FRYL: variants seen among roughly 807,000 people sequenced by gnomAD.
FRYL encodes the protein FRY like transcription coactivator.
FRYL carries 150 observed loss-of-function variants against 351.2 expected under a neutral mutation model. The ratio of observed to expected loss-of-function variants is 0.43; its 90% CI spans 0.37 to 0.49. The LOEUF (loss-of-function observed/expected upper bound fraction) is 0.49, where lower values mean the gene tolerates loss of function less well. Ranked by LOEUF, FRYL falls within the 20% of genes least tolerant of loss-of-function variation. FRYL has a pLI of 0.00. For synonymous variants in FRYL, 1,153 were observed against 1,257.1 expected (o/e 0.92, Z 1.75); for missense variants, 3,036 against 3,619.3 (o/e 0.84, Z 4.13).
chr4:48,531,063 G>A, intron 50 of FRYL, 93 bp downstream of exon 50: 1 of 858,894 alleles, frequency 1.2e-6, no homozygotes, highest in Non-Finnish European at 1.9e-6. Context: ...CACTGGGTAT[G>A]AGCTCAATCA....
chr4:48,737,303 A>T (rs1403197728), intron 1 of FRYL, among the ~76,000 whole-genome samples: 14 of 152,036 alleles, frequency 9.2e-5, no homozygotes, highest in Admixed American at 3.9e-4. Flanking sequence ...GACAACCAAT[A>T]GTACAGATTC....
intron 40 of FRYL, among the ~76,000 whole-genome samples, chr4:48,547,993 AAAATT>A (rs759869870): frequency 2.0e-5 from 3 of 152,162 alleles, no homozygotes; most frequent in Non-Finnish European, 2.9e-5. Flanking sequence ...TTTCATGTCT[AAAATT>A]TAGTGATCTC....
chr4:48,566,407 T>C (rs114968119), intron 28 of FRYL, among the ~76,000 whole-genome samples: 2,855 of 124,182 alleles, frequency 0.023, 89 homozygotes, highest in African/African-American at 0.068. Flanking sequence ...TAAACCAATG[T>C]GGAAGTTGTA....
chr4:48,521,571 T>A (rs1477808361), intron 54 of FRYL, among the ~76,000 whole-genome samples: 1 of 152,228 alleles, frequency 6.6e-6, no homozygotes, highest in Non-Finnish European at 1.5e-5. Context: ...GAATGGGCAC[T>A]AGAGACAGAC....
chr4:48,760,546 GT>G (rs1254334066), intron 1 of FRYL, among the ~76,000 whole-genome samples: 1 of 151,792 alleles, frequency 6.6e-6, no homozygotes, highest in Non-Finnish European at 1.5e-5. Context: ...TGTTTGTTTT[GT>G]TTTTTCCTTG....
chr4:48,750,192 G>A (rs1293945932), intron 1 of FRYL, among the ~76,000 whole-genome samples: 3 of 151,124 alleles, frequency 2.0e-5, no homozygotes, highest in Non-Finnish European at 4.4e-5. Context: ...TGGGCTTAGT[G>A]GCTCACGCGT....
intron 1 of FRYL, among the ~76,000 whole-genome samples, chr4:48,775,919 G>T (rs1775966971): frequency 1.3e-5 from 2 of 151,850 alleles, no homozygotes; most frequent in Non-Finnish European, 2.9e-5. Context: ...ACTAGGCCTG[G>T]AGAAATTATT....
chr4:48,540,052 G>A lies in FRYL; in HGVS notation c.6312C>T (p.Ile2104=), dbSNP rs1295886100. ...GGATTAAGTGAGGCAATAAGCAAAG[G>A]ATGTTAAGAGGAAAGCCTATCAAAA... ...PSQLSGFPLN[I]LCLLPHLIQH... is the part of the protein sequence containing the mutation. The change falls in exon 47 of 64, where the codon ATC becomes ATT. Residue 2104 remains isoleucine, a synonymous_variant. Coordinates refer to ENST00000358350, the MANE Select transcript of FRYL (RefSeq NM_015030.2). 6 of 1,612,146 alleles carry A rather than the reference G, an allele frequency of 3.7e-6. No individual in the cohort carries two copies. The African/African-American group carries it at 4.0e-5, about 11-fold the overall frequency.
At chr4:48,571,881 T>C in intron 26 of FRYL, 1 of 985,208 alleles carries the variant, frequency 1.0e-6, no homozygotes, top group Non-Finnish European at 1.2e-6. Flanking sequence ...CTGCATGTGT[T>C]TAATAGCATT....
At chr4:48,761,007 C>CTGTGTGTGTGTG (rs57872533) in intron 1 of FRYL, among the ~76,000 whole-genome samples, 163 of 134,502 alleles carry the variant, frequency 1.2e-3, no homozygotes, top group African/African-American at 1.9e-3. Context: ...ATTACTCTGT[C>CTGTGTGTGTGTG]TGTGTGTGTG....
intron 1 of FRYL, among the ~76,000 whole-genome samples, chr4:48,749,939 C>A (rs1398476503): frequency 6.6e-6 from 1 of 151,628 alleles, no homozygotes; most frequent in African/African-American, 2.4e-5. Context: ...TCAAGAGCAG[C>A]CCAGGCAAAA....
intron 1 of FRYL, among the ~76,000 whole-genome samples, chr4:48,716,050 G>A (rs959739567): frequency 2.0e-5 from 3 of 152,188 alleles, no homozygotes; most frequent in African/African-American, 7.2e-5. Context: ...AATAAATGGT[G>A]CTGGGAAAAC....
At chr4:48,524,017 T>A (rs1725451563) in intron 53 of FRYL, among the ~76,000 whole-genome samples, 2 of 152,314 alleles carry the variant, frequency 1.3e-5, no homozygotes, top group East Asian at 3.9e-4. Flanking sequence ...ATATAAGTTA[T>A]GTTTCTGTTA....
chr4:48,556,840 T>C (rs900341043), intron 35 of FRYL, 138 bp downstream of exon 35: 3 of 607,268 alleles, frequency 4.9e-6, no homozygotes, highest in Non-Finnish European at 8.3e-6. Flanking sequence ...TAAATCCATG[T>C]GCTATTTCCT....
At chr4:48,713,587 T>C (rs1768373332) in intron 1 of FRYL, among the ~76,000 whole-genome samples, 2 of 152,092 alleles carry the variant, frequency 1.3e-5, no homozygotes, top group South Asian at 2.1e-4. Context: ...TAAATAGATA[T>C]GCACCCAATA....
At chr4:48,532,818 AT>A (rs1482067604) in intron 49 of FRYL, among the ~76,000 whole-genome samples, 4 of 152,202 alleles carry the variant, frequency 2.6e-5, no homozygotes, top group African/African-American at 9.6e-5. Context: ...TTGTGTTTAA[AT>A]GTAAAAGACT....
intron 33 of FRYL, among the ~76,000 whole-genome samples, chr4:48,560,235 T>C (rs1205949348): frequency 3.3e-5 from 5 of 152,220 alleles, no homozygotes; most frequent in African/African-American, 1.2e-4. Flanking sequence ...AAGTTTATGC[T>C]GATACCTGTA....
At chr4:48,649,103 G>A (rs1377143072) in intron 3 of FRYL, among the ~76,000 whole-genome samples, 2 of 152,112 alleles carry the variant, frequency 1.3e-5, no homozygotes, top group East Asian at 3.8e-4. Flanking sequence ...AAAGACATAC[G>A]ATAGGTACTT....
intron 59 of FRYL, among the ~76,000 whole-genome samples, chr4:48,509,078 A>G (rs1209837642): frequency 6.6e-6 from 1 of 152,228 alleles, no homozygotes; most frequent in Non-Finnish European, 1.5e-5. Context: ...TTCTGAAGAT[A>G]CAAAAACCAT....
Sources: gnomAD v4.1 joint callset for allele counts (sites outside exome capture counted in the v4.1 genomes callset) on GRCh38, gnomAD v4.1.1 for gene constraint, MANE v1.5 for transcripts, NCBI Gene and HGNC (gene_info 2026-07-23, HGNC 2026-07-21) for gene names.